The following SUPT3H variants were observed in gnomAD, a reference collection of about 807,000 sequenced individuals.
SUPT3H encodes SPT3 homolog, SAGA and STAGA complex component.
SUPT3H carries 44 observed loss-of-function variants against 44.3 expected under a neutral mutation model. That is an observed-to-expected ratio of 0.99 (90% CI 0.78 to 1.28). The LOEUF is 1.28. Among genes scored for constraint, SUPT3H ranks in the 50% most tolerant of loss-of-function variants. The probability of loss-of-function intolerance (pLI) is 0.00; values close to 1 mark genes in which losing one functional copy is unlikely to be tolerated. For synonymous variants in SUPT3H, 124 were observed against 125.6 expected, an observed-to-expected ratio of 0.99 and a Z score of 0.09; for missense variants, 380 against 387.1, an observed-to-expected ratio of 0.98 and a Z score of 0.15.
At chr6:45,349,542 C>G (rs537493581) in intron 2 of SUPT3H, among the ~76,000 whole-genome samples, 2 of 152,256 alleles carry the variant, frequency 1.3e-5, no homozygotes, top group African/African-American at 4.8e-5. Context: ...ATCAGAAAGG[C>G]TGGAGGTGAG....
At chr6:45,168,336 G>C (rs1810244034) in intron 2 of SUPT3H, among the ~76,000 whole-genome samples, 1 of 152,020 alleles carries the variant, frequency 6.6e-6, no homozygotes, top group African/African-American at 2.4e-5. Flanking sequence ...TCGAATTTTG[G>C]AATATTTGCA....
chr6:45,193,946 C>T (rs1562659655), intron 2 of SUPT3H, among the ~76,000 whole-genome samples: 1 of 152,138 alleles, frequency 6.6e-6, no homozygotes, highest in Non-Finnish European at 1.5e-5. Flanking sequence ...AGTTTAAACA[C>T]ACATTGAACA....
rs543855496 is a variant in SUPT3H, at chr6:44,966,616, A to C, written c.505-4788T>G. 1.9e-3 allele frequency among the ~76,000 whole-genome samples: 289 copies of C among 152,238 alleles called. 1 individual carries two copies. Among genetic ancestry groups the C allele is most frequent in the African/African-American group, 6.3e-3 (261 of 41,574 alleles). ...AAATACCTACCTCTAAGGTATACAA[A>C]GTTTCTCAGAAAACAGTTACTATTC... On this transcript the variant is annotated intron_variant, in intron 6 of 10. Coordinates refer to ENST00000371459, the MANE Select transcript of SUPT3H (RefSeq NM_003599.4).
chr6:45,143,434 A>G (rs1003443484), intron 2 of SUPT3H, among the ~76,000 whole-genome samples: 16 of 152,182 alleles, frequency 1.1e-4, no homozygotes, highest in African/African-American at 3.6e-4. Flanking sequence ...TAGAAATTAA[A>G]TAATCTGCTT....
At chr6:44,892,805 C>A (rs1763511831) in intron 10 of SUPT3H, among the ~76,000 whole-genome samples, 1 of 152,156 alleles carries the variant, frequency 6.6e-6, no homozygotes, top group Non-Finnish European at 1.5e-5. Context: ...GACTTCTGCT[C>A]TTTTCACCAC....
At chr6:45,076,447 T>C (rs1301059834) in intron 3 of SUPT3H, among the ~76,000 whole-genome samples, 1 of 151,576 alleles carries the variant, frequency 6.6e-6, no homozygotes, top group Non-Finnish European at 1.5e-5. Context: ...GATTACCAGA[T>C]GGAGATGTTC....
chr6:44,918,802 C>T (rs542180996), intron 10 of SUPT3H, among the ~76,000 whole-genome samples: 28 of 152,238 alleles, frequency 1.8e-4, no homozygotes, highest in African/African-American at 3.4e-4. Flanking sequence ...CTGGTGCTAA[C>T]GAAATCCACA....
At chr6:45,307,745 A>T (rs1783289845) in intron 2 of SUPT3H, among the ~76,000 whole-genome samples, 1 of 152,244 alleles carries the variant, frequency 6.6e-6, no homozygotes, top group Admixed American at 6.5e-5. Context: ...GCTCCTCACA[A>T]GAAACGGAAC....
At chr6:44,847,938 GT>G (rs1348951684) in intron 10 of SUPT3H, among the ~76,000 whole-genome samples, 3 of 125,982 alleles carry the variant, frequency 2.4e-5, no homozygotes, top group Non-Finnish European at 5.1e-5. Flanking sequence ...TTCTTCTAGT[GT>G]TGACAGTTAT....
At chr6:44,811,087 C>G (rs111965348) in intron 11 of SUPT3H, among the ~76,000 whole-genome samples, 1 of 152,146 alleles carries the variant, frequency 6.6e-6, no homozygotes, top group African/African-American at 2.4e-5. Flanking sequence ...ATACTTGATT[C>G]GGATTTCCTT....
In SUPT3H at chr6:45,061,901, T is replaced by G. The variant is rs988832103; in HGVS notation, c.187-41269A>C. Among the ~76,000 whole-genome samples the G allele has an allele frequency of 4.8e-3, 716 of 150,036 alleles. 15 individuals carry two copies. Among genetic ancestry groups the G allele is most frequent in the East Asian group, 0.043 (219 of 5,088 alleles). ...TTTTTTATCCATAAGCTGTTTTTTT[T>G]TTTTTTTTTTTTTGGCAAAGACTCA... is the stretch of plus-strand genomic sequence containing the variant. On this transcript the variant is annotated intron_variant, in intron 3 of 10. Coordinates refer to ENST00000371459, the MANE Select transcript of SUPT3H (RefSeq NM_003599.4).
chr6:44,992,250 C>A (rs1307028872), intron 6 of SUPT3H, among the ~76,000 whole-genome samples: 1 of 152,128 alleles, frequency 6.6e-6, no homozygotes, highest in African/African-American at 2.4e-5. Context: ...ACTGAAATTA[C>A]TTGAGACAGA....
chr6:45,035,910 A>C (rs1442780057), intron 3 of SUPT3H, among the ~76,000 whole-genome samples: 2 of 152,126 alleles, frequency 1.3e-5, no homozygotes, highest in Admixed American at 6.6e-5. Flanking sequence ...AAAGAAAAAA[A>C]AAAGAGGTGA....
At chr6:44,902,069 A>C (rs962240801) in intron 10 of SUPT3H, among the ~76,000 whole-genome samples, 1 of 152,222 alleles carries the variant, frequency 6.6e-6, no homozygotes, top group Non-Finnish European at 1.5e-5. Flanking sequence ...CTGCAAAATC[A>C]TGCCAAATTG....
chr6:45,052,802 CAT>C lies in SUPT3H; in HGVS notation c.187-32172_187-32171del, dbSNP rs1289803455. On this transcript the variant is annotated intron_variant, in intron 3 of 10. Coordinates refer to ENST00000371459, the MANE Select transcript of SUPT3H (RefSeq NM_003599.4). ...AATGTGGTCCTTACCTTAGGTAGAT[CAT>C]AGTTTAATGGGCAAGACAGACCAGA... 2.0e-5 allele frequency among the ~76,000 whole-genome samples: 3 copies of C among 152,026 alleles called. No individual in the cohort carries two copies. The East Asian group carries it at 5.8e-4, about 29-fold the overall frequency.
chr6:45,099,060 C>T, intron 3 of SUPT3H: 1 of 379,602 alleles, frequency 2.6e-6, no homozygotes, highest in Non-Finnish European at 5.2e-6. Context: ...CTTCAACCTG[C>T]CCCAACATGG....
At chr6:45,356,616 G>A (rs1793241587) in intron 2 of SUPT3H, among the ~76,000 whole-genome samples, 1 of 152,018 alleles carries the variant, frequency 6.6e-6, no homozygotes, top group African/African-American at 2.4e-5. Flanking sequence ...GGCCAGGCTG[G>A]TCTCGAACTC....
At chr6:45,089,985 C>A (rs1385989740) in intron 3 of SUPT3H, among the ~76,000 whole-genome samples, 1 of 152,062 alleles carries the variant, frequency 6.6e-6, no homozygotes, top group African/African-American at 2.4e-5. Context: ...CATCACCTTT[C>A]TCCATCATAC....
At chr6:44,845,745 G>A (rs1215548058) in intron 10 of SUPT3H, among the ~76,000 whole-genome samples, 1 of 152,194 alleles carries the variant, frequency 6.6e-6, no homozygotes, top group Non-Finnish European at 1.5e-5. Flanking sequence ...TCGCTGGCAT[G>A]AGCCCAGGCC....
Sources: allele counts gnomAD v4.1 joint callset (sites outside exome capture counted in the v4.1 genomes callset), GRCh38; gene constraint gnomAD v4.1.1; transcripts MANE v1.5; gene names NCBI Gene and HGNC (gene_info 2026-07-23, HGNC 2026-07-21).